Variants in ANKRD30B observed in about 807,000 individuals in gnomAD.
The protein encoded by ANKRD30B is ankyrin repeat domain-containing protein 30B.
A neutral mutation model predicts 202.2 loss-of-function variants in ANKRD30B; 144 were observed. That is an observed-to-expected ratio of 0.71 (90% CI 0.62 to 0.82). The LOEUF is 0.82. ANKRD30B is among the 40% of genes least tolerant of loss of function. The probability of loss-of-function intolerance (pLI) is 0.00; values close to 1 mark genes in which losing one functional copy is unlikely to be tolerated. For missense variants in ANKRD30B, 1,487 were observed against 1,669.1 expected (o/e 0.89, Z 1.90); for synonymous variants, 508 against 561.3 (o/e 0.91, Z 1.34).
intron 8 of ANKRD30B, among the ~76,000 whole-genome samples, chr18:14,769,857 GTTA>G (rs929025677): frequency 2.0e-5 from 3 of 152,174 alleles, no homozygotes; most frequent in African/African-American, 7.2e-5. Context: ...CCAGTACCTT[GTTA>G]TTATCATCAA....
At chr18:14,926,287 CATGAA>C in the ANKRD30B span, among the ~76,000 whole-genome samples, 2 of 152,198 alleles carry the variant, frequency 1.3e-5, no homozygotes, top group Non-Finnish European at 2.9e-5. Context: ...AAAAATGTGA[CATGAA>C]AAGAACAAGA....
chr18:14,763,281 G>A (rs1915548231), intron 6 of ANKRD30B, among the ~76,000 whole-genome samples: 1 of 152,096 alleles, frequency 6.6e-6, no homozygotes, highest in Non-Finnish European at 1.5e-5. Context: ...AGGCACAGTG[G>A]TTCACTCCTA....
the ANKRD30B span, among the ~76,000 whole-genome samples, chr18:14,864,037 AT>A: frequency 2.0e-5 from 3 of 152,244 alleles, no homozygotes; most frequent in Non-Finnish European, 4.4e-5. Flanking sequence ...GCAGAAAAAA[AT>A]ATTCAATAAA....
intron 18 of ANKRD30B, among the ~76,000 whole-genome samples, chr18:14,796,974 G>T: frequency 6.6e-6 from 1 of 152,114 alleles, no homozygotes; most frequent in East Asian, 1.9e-4. Context: ...TTCTAACAAA[G>T]CCTTAAAACA....
At chr18:14,912,609 T>C in the ANKRD30B span, among the ~76,000 whole-genome samples, 3 of 152,230 alleles carry the variant, frequency 2.0e-5, no homozygotes, top group Admixed American at 6.5e-5. Flanking sequence ...CTAGTTTAAG[T>C]ATCAGAGTGA....
chr18:14,933,710 G>A, the ANKRD30B span, among the ~76,000 whole-genome samples: 17 of 148,666 alleles, frequency 1.1e-4, no homozygotes, highest in African/African-American at 3.8e-4. Context: ...TTAGGGACTG[G>A]CATTAATCAG....
chr18:14,843,553 CTGTGTG>C (rs56044501), intron 39 of ANKRD30B, among the ~76,000 whole-genome samples: 5,300 of 145,334 alleles, frequency 0.036, 238 homozygotes, highest in African/African-American at 0.11. Context: ...AGCTTACTTT[CTGTGTG>C]TGTGTGTGTG....
intron 24 of ANKRD30B, among the ~76,000 whole-genome samples, chr18:14,806,085 C>T (rs1199332563): frequency 2.7e-5 from 4 of 149,332 alleles, no homozygotes; most frequent in Non-Finnish European, 4.5e-5. Context: ...CCGGGCGTGG[C>T]GGTGGGTGCC....
At chr18:14,771,240 A>G (rs1380161178) in intron 8 of ANKRD30B, among the ~76,000 whole-genome samples, 2 of 152,168 alleles carry the variant, frequency 1.3e-5, no homozygotes, top group South Asian at 4.1e-4. Flanking sequence ...GGAGACTGCC[A>G]TGAAGCCCTG....
intron 9 of ANKRD30B, among the ~76,000 whole-genome samples, chr18:14,777,743 A>G (rs1435190544): frequency 6.6e-6 from 1 of 151,810 alleles, no homozygotes; most frequent in East Asian, 1.9e-4. Flanking sequence ...GGAGTTCGAG[A>G]CCAGCCTGGC....
intron 20 of ANKRD30B, among the ~76,000 whole-genome samples, chr18:14,798,644 C>T (rs1388777841): frequency 2.0e-5 from 3 of 152,036 alleles, no homozygotes; most frequent in Non-Finnish European, 4.4e-5. Flanking sequence ...TGGACAGGCA[C>T]CCCCCTCCGT....
At chr18:14,797,883 G>C in intron 20 of ANKRD30B, 29 bp downstream of exon 20, 1 of 1,515,746 alleles carries the variant, frequency 6.6e-7, no homozygotes, top group Non-Finnish European at 8.9e-7. Flanking sequence ...ATTTTAATCT[G>C]GAATTAAGAA....
chr18:14,820,424 C>A (rs1022358460), intron 30 of ANKRD30B, among the ~76,000 whole-genome samples: 2 of 152,194 alleles, frequency 1.3e-5, no homozygotes, highest in Non-Finnish European at 2.9e-5. Flanking sequence ...TGAGAGAGGG[C>A]ATCCCTGTAT....
chr18:14,923,646 G>T, the ANKRD30B span, among the ~76,000 whole-genome samples: 6 of 152,200 alleles, frequency 3.9e-5, no homozygotes, highest in Non-Finnish European at 8.8e-5. Flanking sequence ...AGGGCCTTGA[G>T]TGAAAATAGC....
At chr18:14,767,801 C>T (rs949059684) in intron 7 of ANKRD30B, among the ~76,000 whole-genome samples, 1 of 152,216 alleles carries the variant, frequency 6.6e-6, no homozygotes, top group African/African-American at 2.4e-5. Flanking sequence ...CTTAGAATGA[C>T]ACATTATTTA....
At chr18:14,848,368 A>C (rs539702629) in intron 39 of ANKRD30B, among the ~76,000 whole-genome samples, 1 of 152,208 alleles carries the variant, frequency 6.6e-6, no homozygotes, top group East Asian at 1.9e-4. Context: ...CCCTTGCTCA[A>C]CTGCTTCCTT....
chr18:14,808,764 T>A lies in ANKRD30B; in HGVS notation c.2386+20T>A. On this transcript the variant is annotated intron_variant, in intron 26 of 43. Transcript: ENST00000690538. ...AAGCAGGTAAATTTTGTAATTTAAA[T>A]TTTAATCTGGAATTAAGAATATTAA... is the stretch of plus-strand genomic sequence containing the variant. 1 of 1,419,268 alleles carries A rather than the reference T, an allele frequency of 7.0e-7. No individual in the cohort carries two copies. Among genetic ancestry groups the A allele is most frequent in the African/African-American group, 1.5e-5 (1 of 68,474 alleles). The allele number at this position is 1,419,268 out of a possible 1,614,324, so 87.9% of individuals were successfully genotyped here.
the ANKRD30B span, among the ~76,000 whole-genome samples, chr18:14,934,509 G>A: frequency 6.6e-6 from 1 of 152,204 alleles, no homozygotes; most frequent in African/African-American, 2.4e-5. Flanking sequence ...TAGCACTGAA[G>A]CTTCTGCCTC....
intron 34 of ANKRD30B, among the ~76,000 whole-genome samples, chr18:14,833,582 C>T (rs1598698091): frequency 6.6e-6 from 1 of 152,230 alleles, no homozygotes; most frequent in Non-Finnish European, 1.5e-5. Context: ...TTTTTTCTCT[C>T]TCTGTAGTAA....
Sources: gnomAD v4.1 joint callset for allele counts (sites outside exome capture counted in the v4.1 genomes callset) on GRCh38, gnomAD v4.1.1 for gene constraint, MANE v1.5 for transcripts, NCBI Gene and HGNC (gene_info 2026-07-23, HGNC 2026-07-21) for gene names.